The following TAF5L variants were observed in gnomAD, a reference collection of about 807,000 sequenced individuals.
The protein encoded by TAF5L is TATA-box binding protein associated factor 5 like.
A neutral mutation model predicts 51.3 loss-of-function variants in TAF5L; 7 were observed. The observed-to-expected ratio is 0.14, with a 90% CI of 0.08 to 0.26. The LOEUF is 0.26. Ranked by LOEUF, TAF5L falls within the 10% of genes least tolerant of loss-of-function variation. The pLI, the probability that TAF5L is intolerant of heterozygous loss-of-function variation, is 1.00. For missense variants in TAF5L, 575 were observed against 758.9 expected, an observed-to-expected ratio of 0.76 and a Z score of 2.85; for synonymous variants, 291 against 308.1, an observed-to-expected ratio of 0.94 and a Z score of 0.58.
intron 2 of TAF5L, among the ~76,000 whole-genome samples, chr1:229,612,604 G>A (rs986544337): frequency 2.6e-5 from 4 of 152,174 alleles, no homozygotes; most frequent in Non-Finnish European, 5.9e-5. Flanking sequence ...CCTGAAATAC[G>A]TGATGGCAGG....
At chr1:229,611,613 T>C (rs1664793703) in intron 2 of TAF5L, among the ~76,000 whole-genome samples, 2 of 152,114 alleles carry the variant, frequency 1.3e-5, no homozygotes, top group African/African-American at 4.8e-5. Flanking sequence ...CCCGCTTAGT[T>C]ACTCTGTCAC....
intron 4 of TAF5L, among the ~76,000 whole-genome samples, chr1:229,596,698 T>C (rs3767329): frequency 0.14 from 20,580 of 152,150 alleles, 2,125 homozygotes; most frequent in East Asian, 0.42. Context: ...TTCCCTTTAT[T>C]CCCACATAGA....
chr1:229,611,702 T>G (rs1030033525), intron 2 of TAF5L, among the ~76,000 whole-genome samples: 2 of 152,190 alleles, frequency 1.3e-5, no homozygotes, highest in South Asian at 4.1e-4. Context: ...TGTCCTCACT[T>G]CTCACTGGAC....
intron 1 of TAF5L, among the ~76,000 whole-genome samples, chr1:229,619,058 GA>G (rs575713556): frequency 6.6e-6 from 1 of 152,072 alleles, no homozygotes; most frequent in Non-Finnish European, 1.5e-5. Context: ...TATAACAGAA[GA>G]AAAAAATTAT....
At chr1:229,599,934 G>A in intron 4 of TAF5L, 1 of 985,446 alleles carries the variant, frequency 1.0e-6, no homozygotes, top group Non-Finnish European at 1.2e-6. Flanking sequence ...CTTACATAGT[G>A]ATTTTGTACT....
chr1:229,602,062 A>G lies in TAF5L; in HGVS notation c.972+133T>C. The stretch of plus-strand genomic sequence containing the variant: ...CAGGAATTCAATGGCTACAGGTAAC[A>G]TGTCATTAGTCTGGCTTTAGCTATA... On this transcript the variant is annotated intron_variant, in intron 4 of 4. Coordinates refer to ENST00000258281, the Ensembl canonical transcript of TAF5L. This position sits in a 1 kb window ranked among gnomAD's most constrained non-coding sequence, Gnocchi z 4.6. 5 of 1,495,220 alleles carry G rather than the reference A, an allele frequency of 3.3e-6. No homozygotes were observed. The highest frequency in any genetic ancestry group is 1.4e-5 in the South Asian group (1 of 71,524). 92.6% of individuals were successfully genotyped at this position (1,495,220 alleles called of 1,614,324 possible).
rs113821347 is a variant in TAF5L at position 229,594,849 on chromosome 1, G to A, written c.1218C>T (p.Arg406=). The A allele has an allele frequency of 4.8e-5, 77 of 1,614,194 alleles. No homozygotes were observed. The African/African-American group carries it at 8.1e-4, about 17-fold the overall frequency. The stretch of plus-strand genomic sequence containing the variant: ...GATCAAATGACCACAGCCTGGCGGT[G>A]CGGTCGTGGGACCCGCTGGCGAAGT... Residue 406 remains arginine, a synonymous_variant, in exon 5 of 5, where the codon CGC becomes CGT. Transcript: ENST00000258281. The surrounding 1 kb of genome is among the most constrained non-coding windows in gnomAD (Gnocchi z 7.9).
rs999457267 is a variant in TAF5L, at chr1:229,622,777, A to T, written c.-4+3108T>A. ...TGCCCACCATCACACCTGGTTAGTT[A>T]AAAAAAAAATTTTTTTTTGTAGAGA... On this transcript the variant is annotated intron_variant, in intron 1 of 4. Transcript: ENST00000258281. 3.0e-4 allele frequency among the ~76,000 whole-genome samples: 44 copies of T among 147,298 alleles called. 2 individuals are homozygous for T. In the East Asian group the frequency reaches 3.1e-3, roughly 10 times the overall value.
In TAF5L at chr1:229,625,739, C is replaced by G. The variant is rs1665431234; in HGVS notation, c.-4+146G>C. On this transcript the variant is annotated intron_variant, in intron 1 of 4. Transcript: ENST00000258281. The surrounding 1 kb of genome is among the most constrained non-coding windows in gnomAD (Gnocchi z 4.0). ...AGAGCCGCCCGCCGCCCCCCAGCCC[C>G]GCCTCCCGCGCCCCACCCCCACCGC... The G allele has an allele frequency of 7.0e-6, 1 of 142,112 alleles. No homozygotes were observed. Among genetic ancestry groups the G allele is most frequent in the African/African-American group, 2.5e-5 (1 of 39,572 alleles). The allele number at this position is 142,112 out of a possible 1,614,324, so 8.8% of individuals were successfully genotyped here.
intron 1 of TAF5L, among the ~76,000 whole-genome samples, chr1:229,616,304 G>A (rs76711152): frequency 0.094 from 14,280 of 152,006 alleles, 1,192 homozygotes; most frequent in East Asian, 0.42. Flanking sequence ...GCGAACCACC[G>A]TGCCTGCTCT....
At chr1:229,616,014 ATTTTG>A (rs1328825929) in intron 1 of TAF5L, among the ~76,000 whole-genome samples, 6 of 151,634 alleles carry the variant, frequency 4.0e-5, no homozygotes, top group South Asian at 4.2e-4. Context: ...CCATTCTTTC[ATTTTG>A]TTTTATTTTT....
At chr1:229,624,197 T>C (rs1273265684) in intron 1 of TAF5L, among the ~76,000 whole-genome samples, 2 of 152,224 alleles carry the variant, frequency 1.3e-5, no homozygotes, top group East Asian at 3.8e-4. Context: ...GTGAGGCCTT[T>C]ACCTAGTTTC....
chr1:229,603,778 C>T lies in TAF5L; in HGVS notation c.248-859G>A, dbSNP rs12066105. 5.7e-3 allele frequency among the ~76,000 whole-genome samples: 872 copies of T among 152,270 alleles called. 5 individuals are homozygous for T. Among genetic ancestry groups the T allele is most frequent in the African/African-American group, 0.02 (825 of 41,538 alleles). ...AATTCATGGGTGAATGAGAAAAGAA[C>T]AGAGGTATAATTGACACCTAAATAA... On this transcript the variant is annotated intron_variant, in intron 3 of 4. Transcript: ENST00000258281.
At chr1:229,598,698 T>C (rs1445210707) in intron 4 of TAF5L, among the ~76,000 whole-genome samples, 2 of 151,104 alleles carry the variant, frequency 1.3e-5, no homozygotes, top group African/African-American at 2.4e-5. Context: ...CTCTTTTTTT[T>C]TTTTTTTTCT....
At chr1:229,607,437 T>C in intron 3 of TAF5L, 1 of 985,470 alleles carries the variant, frequency 1.0e-6, no homozygotes, top group Non-Finnish European at 1.2e-6. Context: ...AAAGCCTTAG[T>C]TGTTCCTGTA....
intron 2 of TAF5L, among the ~76,000 whole-genome samples, chr1:229,610,702 C>G (rs1664755632): frequency 6.6e-6 from 1 of 151,936 alleles, no homozygotes; most frequent in Non-Finnish European, 1.5e-5. Flanking sequence ...CTGAACCAAT[C>G]CTTTAATTTT....
chr1:229,602,888 C>G lies in TAF5L; in HGVS notation c.279G>C (p.Met93Ile). ...AGACAAAGAGAGGATAGAGGAGAGG[C>G]ATCACTTCGTGGCTATGCTGGGAAT... Residue 93 changes from methionine (M) to isoleucine (I), a missense_variant, in exon 4 of 5, where the codon ATG (methionine) becomes ATC (isoleucine). Around this residue, in one of 3 missense-constraint regions of TAF5L, gnomAD observed 380 missense variants for 443.7 expected, o/e 0.86. Coordinates refer to ENST00000258281, the Ensembl canonical transcript of TAF5L. This position sits in a 1 kb window ranked among gnomAD's most constrained non-coding sequence, Gnocchi z 4.6. The G allele has an allele frequency of 6.2e-7, 1 of 1,604,170 alleles. No homozygotes were observed. The highest frequency in any genetic ancestry group is 8.5e-7 in the Non-Finnish European group (1 of 1,179,060).
chr1:229,602,567 C>A lies in TAF5L; in HGVS notation c.600G>T (p.Gln200His), dbSNP rs1307397189. 6.2e-7 allele frequency: 1 copy of A among 1,614,226 alleles called. No homozygotes were observed. Among genetic ancestry groups the A allele is most frequent in the Admixed American group, 1.7e-5 (1 of 60,022 alleles). The change falls in exon 4 of 5, where the codon CAG becomes CAT. Residue 200 changes from glutamine to histidine, a missense_variant. Physicochemically the swap from Gln to His is conservative, Grantham distance 24 (BLOSUM62 0). Around this residue, in one of 3 missense-constraint regions of TAF5L, gnomAD observed 380 missense variants for 443.7 expected, o/e 0.86. Coordinates refer to ENST00000258281, the Ensembl canonical transcript of TAF5L. This position sits in a 1 kb window ranked among gnomAD's most constrained non-coding sequence, Gnocchi z 4.6. The stretch of plus-strand genomic sequence containing the variant: ...GCTGATAGTCTGTTCTCTTGGCAGG[C>A]TGCACGTCAAGATGAATATGTAAGG...
intron 2 of TAF5L, among the ~76,000 whole-genome samples, chr1:229,610,464 G>A (rs1350989071): frequency 6.6e-6 from 1 of 152,220 alleles, no homozygotes; most frequent in African/African-American, 2.4e-5. Flanking sequence ...TAAGGTGAAT[G>A]AGAGAGGACA....
Sources: allele counts gnomAD v4.1 joint callset (sites outside exome capture counted in the v4.1 genomes callset), GRCh38; gene constraint gnomAD v4.1.1; regional missense constraint gnomAD v4.1.1; non-coding constraint Gnocchi (gnomAD v3.1); transcripts MANE v1.5; gene names NCBI Gene and HGNC (gene_info 2026-07-23, HGNC 2026-07-21).